The following TTC39C variants were observed in gnomAD, a reference collection of about 807,000 sequenced individuals.
The protein encoded by TTC39C is tetratricopeptide repeat domain 39C.
Under a neutral mutation model 76.3 loss-of-function variants are expected in TTC39C, and 33 were observed. The observed-to-expected ratio is 0.43, with a 90% CI of 0.33 to 0.58. The LOEUF is 0.58. Ranked by LOEUF, TTC39C falls within the 20% of genes least tolerant of loss-of-function variation. TTC39C has a pLI of 0.04. For synonymous variants in TTC39C, 254 were observed against 260.6 expected (o/e 0.97, Z 0.24); for missense variants, 595 against 701.4 (o/e 0.85, Z 1.71).
At chr18:24,075,827 T>C (rs1244050190) in intron 4 of TTC39C, among the ~76,000 whole-genome samples, 1 of 151,936 alleles carries the variant, frequency 6.6e-6, no homozygotes, top group Non-Finnish European at 1.5e-5. Context: ...CCAGATACAG[T>C]CCCCCTGAAA....
In TTC39C at chr18:24,097,952, A is replaced by C. The variant is rs187552716; in HGVS notation, c.984+14871A>C. On this transcript the variant is annotated intron_variant, in intron 6 of 13. Coordinates refer to ENST00000317571, the MANE Select transcript of TTC39C (RefSeq NM_001135993.2). ...TAGTATGGGCTTATTTTGGTGTAAA[A>C]AAATTTGAAATTCATGCATAGTTTT... 7.9e-4 allele frequency among the ~76,000 whole-genome samples: 121 copies of C among 152,306 alleles called. No homozygotes were observed. The Middle Eastern group carries it at 0.01, about 13-fold the overall frequency.
At chr18:24,032,824 C>T (rs1441386557) in intron 1 of TTC39C, among the ~76,000 whole-genome samples, 1 of 152,238 alleles carries the variant, frequency 6.6e-6, no homozygotes, top group Non-Finnish European at 1.5e-5. Flanking sequence ...TCCCAGTTAG[C>T]TCATGCTATA....
At chr18:24,114,682 G>T (rs764894012) in intron 7 of TTC39C, 35 bp downstream of exon 7, 7 of 1,520,448 alleles carry the variant, frequency 4.6e-6, no homozygotes, top group South Asian at 2.2e-5. Flanking sequence ...CTCTTGTTAA[G>T]AAGTAGTATT....
At chr18:24,073,104 C>T (rs980960563) in intron 4 of TTC39C, among the ~76,000 whole-genome samples, 3 of 152,222 alleles carry the variant, frequency 2.0e-5, no homozygotes, top group Admixed American at 6.5e-5. Context: ...TTCCTTGGGA[C>T]CTTCTCCCTC....
chr18:24,017,807 C>A (rs1158843159), intron 1 of TTC39C, among the ~76,000 whole-genome samples: 1 of 152,172 alleles, frequency 6.6e-6, no homozygotes, highest in Non-Finnish European at 1.5e-5. Context: ...GGGGGACACC[C>A]TTCCTCTACT....
intron 6 of TTC39C, among the ~76,000 whole-genome samples, chr18:24,083,723 C>T (rs1338842385): frequency 6.6e-6 from 1 of 151,232 alleles, no homozygotes; most frequent in African/African-American, 2.4e-5. Flanking sequence ...TTGTCTCACT[C>T]CAGAACCAGA....
At chr18:24,083,215 G>A (rs2145762758) in intron 6 of TTC39C, 134 bp downstream of exon 6, 1 of 939,872 alleles carries the variant, frequency 1.1e-6, no homozygotes, top group Admixed American at 3.1e-5. Context: ...GCCTTTCCTT[G>A]TGTCTTTGCT....
intron 9 of TTC39C, 43 bp downstream of exon 9, chr18:24,123,986 C>T (rs369226141): frequency 2.8e-6 from 4 of 1,417,644 alleles, no homozygotes; most frequent in South Asian, 1.3e-5. Flanking sequence ...TTATGATGGG[C>T]ATTTGTAACC....
intron 6 of TTC39C, among the ~76,000 whole-genome samples, chr18:24,112,673 C>T (rs1173492122): frequency 6.6e-6 from 1 of 152,052 alleles, no homozygotes; most frequent in East Asian, 1.9e-4. Flanking sequence ...ATTGCACTGT[C>T]ATGTACCATG....
At chr18:24,091,902 A>G (rs909061217) in intron 6 of TTC39C, among the ~76,000 whole-genome samples, 1 of 151,974 alleles carries the variant, frequency 6.6e-6, no homozygotes, top group Admixed American at 6.6e-5. Flanking sequence ...ATCCTGGCTA[A>G]CATGATGAAA....
chr18:24,089,386 G>A (rs2084489371), intron 6 of TTC39C, among the ~76,000 whole-genome samples: 1 of 152,126 alleles, frequency 6.6e-6, no homozygotes, highest in South Asian at 2.1e-4. Context: ...GTTCATTGTA[G>A]TCTTCTCTTC....
rs1248456512 is a variant in TTC39C at position 24,020,142 on chromosome 18, A to AAGGGAACTGGCGGGAAAGAC, written c.167+5108_167+5127dup. ...AAGAAATGAAAAGCAGAAATGGTTTAAGGGAACTGGCGGGAAAGACAGGAA... is the reference window on the plus strand; with the variant it reads ...AAGAAATGAAAAGCAGAAATGGTTTAAGGGAACTGGCGGGAAAGACAGGGAACTGGCGGGAAAGACAGGAA... On this transcript the variant is annotated intron_variant, in intron 1 of 13. Transcript: ENST00000317571. The AAGGGAACTGGCGGGAAAGAC allele has an allele frequency of 2.4e-6, 3 of 1,240,478 alleles. No individual in the cohort carries two copies. In the African/African-American group the frequency reaches 4.7e-5, roughly 19 times the overall value. 76.8% of individuals were successfully genotyped at this position (1,240,478 alleles called of 1,614,324 possible).
Position 24,124,931 on chromosome 18 carries a change from T to C in TTC39C, c.1297-496T>C, listed in dbSNP as rs1472253185. Among the ~76,000 whole-genome samples the C allele has an allele frequency of 2.0e-5, 3 of 152,208 alleles. No individual in the cohort carries two copies. In the East Asian group the frequency reaches 5.8e-4, roughly 29 times the overall value. On this transcript the variant is annotated intron_variant, in intron 9 of 13. Coordinates refer to ENST00000317571, the MANE Select transcript of TTC39C (RefSeq NM_001135993.2). ...TTTTGAGACGGAGTTTTGCTCTCAT[T>C]GCTCAGGCTGGAGTGCAATGGCGTA...
At chr18:24,033,146 G>A (rs1448459554) in intron 1 of TTC39C, among the ~76,000 whole-genome samples, 1 of 152,184 alleles carries the variant, frequency 6.6e-6, no homozygotes, top group African/African-American at 2.4e-5. Context: ...CCAGCTACTC[G>A]AGAGGCTGAG....
chr18:24,023,962 A>T (rs78146815), intron 1 of TTC39C, among the ~76,000 whole-genome samples: 2 of 46,520 alleles, frequency 4.3e-5, no homozygotes, highest in African/African-American at 1.1e-4. Context: ...ATATATATAT[A>T]TATATATATA....
intron 1 of TTC39C, among the ~76,000 whole-genome samples, chr18:24,019,513 T>G (rs1221695196): frequency 6.6e-6 from 1 of 152,240 alleles, no homozygotes; most frequent in Admixed American, 6.5e-5. Flanking sequence ...TGAGTGTACA[T>G]CAAAGGAATG....
chr18:23,994,443 TA>T (rs1160184886), intron 1 of TTC39C: 1 of 152,202 alleles, frequency 6.6e-6, no homozygotes, highest in Non-Finnish European at 1.5e-5. Context: ...TCATGAACTT[TA>T]AAGACCAAGA....
intron 1 of TTC39C, among the ~76,000 whole-genome samples, chr18:24,044,053 TG>T (rs2083832335): frequency 3.4e-3 from 2 of 590 alleles, no homozygotes; most frequent in South Asian, 0.071. Context: ...TGTGTATGTT[TG>T]TGTGTGTGTG....
intron 8 of TTC39C, 133 bp downstream of exon 8, chr18:24,118,365 GT>G: frequency 3.1e-6 from 2 of 638,030 alleles, no homozygotes; most frequent in East Asian, 5.7e-5. Flanking sequence ...GCATGTTAAT[GT>G]TTTGTGCAAC....
Sources: gnomAD v4.1 joint callset for allele counts (sites outside exome capture counted in the v4.1 genomes callset) on GRCh38, gnomAD v4.1.1 for gene constraint, MANE v1.5 for transcripts, NCBI Gene and HGNC (gene_info 2026-07-23, HGNC 2026-07-21) for gene names.